NAA30: variants seen among roughly 807,000 people sequenced by gnomAD.
NAA30 encodes N-alpha-acetyltransferase 30.
NAA30 carries 5 observed loss-of-function variants against 31.4 expected under a neutral mutation model. The ratio of observed to expected loss-of-function variants is 0.16; its 90% confidence interval spans 0.08 to 0.33. The LOEUF is 0.33. Among genes scored for constraint, NAA30 ranks in the 10% least tolerant of loss-of-function variants. The pLI, the probability that NAA30 is intolerant of heterozygous loss-of-function variation, is 1.00. For missense variants in NAA30, 428 were observed against 490.8 expected (o/e 0.87, Z 1.21); for synonymous variants, 222 against 207.1 (o/e 1.07, Z -0.62).
rs758168690 is a variant in NAA30, at chr14:57,391,480, CAGG to C, written c.537_539del (p.Glu180del). 2.2e-5 allele frequency: 35 copies of C among 1,609,108 alleles called. No homozygotes were observed. The highest frequency in any genetic ancestry group is 1.7e-4 in the Middle Eastern group (1 of 6,006). On this transcript the variant is annotated inframe_deletion, in exon 2 of 5. Transcript: ENST00000556492. This position sits in a 1 kb window ranked among gnomAD's most constrained non-coding sequence, Gnocchi z 4.1. Reference sequence around the variant, plus strand: ...CAATGGACTGGCCGAGGGCACCGAGCAGGAGGAGGAGGAGGAAGACGAGCAGGT... The same window carrying C: ...CAATGGACTGGCCGAGGGCACCGAGCAGGAGGAGGAGGAAGACGAGCAGGT...
At position 57,409,056 on chromosome 14, in the gene NAA30, AT is replaced by A. The variant is rs562645999; in HGVS notation, c.952-319del. Among the ~76,000 whole-genome samples, 312 of 152,294 alleles carry A rather than the reference AT, an allele frequency of 2.0e-3. 1 individual carries two copies. The highest frequency in any genetic ancestry group is 7.0e-3 in the African/African-American group (289 of 41,582). On this transcript the variant is annotated intron_variant, in intron 4 of 4. Coordinates refer to ENST00000556492, the MANE Select transcript of NAA30 (RefSeq NM_001011713.3). Reference sequence around the variant, plus strand: ...ACCAGCACTTTTGATTGTTGATTTTATTTTCATCTGTAGTCATTTTACCTTT... The same window carrying A: ...ACCAGCACTTTTGATTGTTGATTTTATTTCATCTGTAGTCATTTTACCTTT...
In NAA30 at chr14:57,415,712, T is replaced by G. The variant is rs2139771008; in HGVS notation, c.*6196T>G. ...TGTAGGGGATTGATCATTGCGATGT[T>G]TAGGCCAGGATTTCTCATGATTGTA... On this transcript the variant is annotated 3_prime_UTR_variant, in exon 5 of 5. Transcript: ENST00000556492. 6.6e-6 allele frequency: 1 copy of G among 152,274 alleles called. No individual in the cohort carries two copies. The highest frequency in any genetic ancestry group is 2.1e-4 in the South Asian group (1 of 4,830). The allele number at this position is 152,274 out of a possible 1,614,324, so 9.4% of individuals were successfully genotyped here.
At chr14:57,395,115 ATGTAT>A (rs1417116793) in intron 2 of NAA30, among the ~76,000 whole-genome samples, 1 of 152,160 alleles carries the variant, frequency 6.6e-6, no homozygotes, top group Non-Finnish European at 1.5e-5. Flanking sequence ...TAAAAGATTG[ATGTAT>A]TGTGAGGGAA....
At chr14:57,405,649 C>G (rs1041960483) in intron 4 of NAA30, among the ~76,000 whole-genome samples, 1 of 152,090 alleles carries the variant, frequency 6.6e-6, no homozygotes. Flanking sequence ...TCTGGTCTCT[C>G]TCTTTGTCTA....
At chr14:57,397,754 G>C (rs1450831666) in intron 3 of NAA30, among the ~76,000 whole-genome samples, 1 of 152,160 alleles carries the variant, frequency 6.6e-6, no homozygotes, top group African/African-American at 2.4e-5. Flanking sequence ...GCGAAACCCT[G>C]TCTCTACTAA....
At chr14:57,395,012 A>G (rs746563944) in intron 2 of NAA30, among the ~76,000 whole-genome samples, 5 of 152,192 alleles carry the variant, frequency 3.3e-5, no homozygotes, top group African/African-American at 4.8e-5. Context: ...ATACGCACAT[A>G]TATTTGAAGT....
rs189049807 is a variant in NAA30 at position 57,415,366 on chromosome 14, C to T, written c.*5850C>T. On this transcript the variant is annotated 3_prime_UTR_variant, in exon 5 of 5. Transcript: ENST00000556492. ...AAGATTGTATGTCTCCTATGTTTTC[C>T]TTTCATGCCAAAGAAACTCACCCTT... 6 of 152,254 alleles carry T rather than the reference C, an allele frequency of 3.9e-5. No homozygotes were observed. The highest frequency in any genetic ancestry group is 3.3e-4 in the Admixed American group (5 of 15,288). 9.4% of individuals were successfully genotyped at this position (152,254 alleles called of 1,614,324 possible). A position where few individuals can be genotyped will look rare whatever the true frequency, so the allele number is the denominator to read the frequency against.
chr14:57,400,511 ATAAAC>A (rs779744577), intron 4 of NAA30, among the ~76,000 whole-genome samples: 1 of 152,248 alleles, frequency 6.6e-6, no homozygotes, highest in Non-Finnish European at 1.5e-5. Flanking sequence ...GGGAACAAGT[ATAAAC>A]TAGAGAAGTA....
At chr14:57,407,937 A>G (rs1179083411) in intron 4 of NAA30, among the ~76,000 whole-genome samples, 1 of 152,166 alleles carries the variant, frequency 6.6e-6, no homozygotes, top group Non-Finnish European at 1.5e-5. Flanking sequence ...TTGGATGCAT[A>G]TAGGTGGTTG....
intron 4 of NAA30, among the ~76,000 whole-genome samples, chr14:57,400,610 C>T (rs116329410): frequency 0.019 from 2,948 of 152,148 alleles, 80 homozygotes; most frequent in African/African-American, 0.059. Context: ...TAGCAATTGT[C>T]TTTATTATTA....
intron 2 of NAA30, among the ~76,000 whole-genome samples, chr14:57,392,123 C>A (rs2066431275): frequency 6.6e-6 from 1 of 152,204 alleles, no homozygotes; most frequent in Non-Finnish European, 1.5e-5. Context: ...CGATTACAAC[C>A]ATAATCAGGG....
At chr14:57,392,244 C>T (rs2066431997) in intron 2 of NAA30, among the ~76,000 whole-genome samples, 1 of 152,154 alleles carries the variant, frequency 6.6e-6, no homozygotes, top group African/African-American at 2.4e-5. Context: ...GGAGATGTTT[C>T]TCTTTACTTC....
At position 57,391,534 on chromosome 14, in the gene NAA30, G is replaced by A; in HGVS notation, c.577G>A (p.Ala193Thr). 6.2e-7 allele frequency: 1 copy of A among 1,613,818 alleles called. No homozygotes were observed. Among genetic ancestry groups the A allele is most frequent in the Non-Finnish European group, 8.5e-7 (1 of 1,180,016 alleles). Reference protein sequence around the residue: ...QVRLLSSSLTADCSLRSPSGR... With the variant: ...QVRLLSSSLTTDCSLRSPSGR... ...GCGGCTGCTGTCTTCGTCCCTGACC[G>A]CCGACTGCAGCTTAAGAAGCCCTTC... Residue 193 changes from alanine to threonine, a missense_variant, in exon 2 of 5, where the codon GCC becomes ACC. Coordinates refer to ENST00000556492, the MANE Select transcript of NAA30 (RefSeq NM_001011713.3). This position sits in a 1 kb window ranked among gnomAD's most constrained non-coding sequence, Gnocchi z 4.1.
At chr14:57,400,894 TTG>T (rs2066473196) in intron 4 of NAA30, among the ~76,000 whole-genome samples, 1 of 150,098 alleles carries the variant, frequency 6.7e-6, no homozygotes, top group Non-Finnish European at 1.5e-5. Flanking sequence ...GGGTTTTTTT[TTG>T]TTTTTTTTTT....
At position 57,390,628 on chromosome 14, in the gene NAA30, C is replaced by T. The variant is rs552068154; in HGVS notation, c.-79C>T. 213 of 342,464 alleles carry T rather than the reference C, an allele frequency of 6.2e-4. No individual in the cohort carries two copies. The highest frequency in any genetic ancestry group is 4.2e-3 in the African/African-American group (199 of 46,998). The allele number at this position is 342,464 out of a possible 1,614,324, so 21.2% of individuals were successfully genotyped here. ...GTGAGAACCTTGGCGGCTGTGGAGG[C>T]TGCCGCGGCTGCGAAGGAGGCGGCG... On this transcript the variant is annotated 5_prime_UTR_variant, in exon 1 of 5. Coordinates refer to ENST00000556492, the MANE Select transcript of NAA30 (RefSeq NM_001011713.3).
At position 57,413,682 on chromosome 14, in the gene NAA30, C is replaced by G. The variant is rs951154363; in HGVS notation, c.*4166C>G. ...AATTTCTTGTATTCTTAGTATGAGA[C>G]AGGGTTTCACCATGTTGGCCAGGCT... On this transcript the variant is annotated 3_prime_UTR_variant, in exon 5 of 5. Transcript: ENST00000556492. 6.6e-5 allele frequency: 10 copies of G among 151,982 alleles called. No homozygotes were observed. Among genetic ancestry groups the G allele is most frequent in the African/African-American group, 2.4e-4 (10 of 41,320 alleles). 9.4% of individuals were successfully genotyped at this position (151,982 alleles called of 1,614,324 possible). A position where few individuals can be genotyped will look rare whatever the true frequency, so the allele number is the denominator to read the frequency against.
chr14:57,403,994 T>A (rs189555775), intron 4 of NAA30, among the ~76,000 whole-genome samples: 1 of 152,144 alleles, frequency 6.6e-6, no homozygotes, highest in East Asian at 1.9e-4. Context: ...CAAGGTTGTT[T>A]TTGTTTTGTT....
intron 4 of NAA30, among the ~76,000 whole-genome samples, chr14:57,407,268 G>T (rs1473501547): frequency 6.6e-6 from 1 of 152,058 alleles, no homozygotes; most frequent in Non-Finnish European, 1.5e-5. Flanking sequence ...TGTATTTTAG[G>T]TTTTCTTAGG....
chr14:57,400,442 G>A (rs1310143158), intron 4 of NAA30, among the ~76,000 whole-genome samples: 5 of 152,174 alleles, frequency 3.3e-5, no homozygotes, highest in African/African-American at 4.8e-5. Context: ...TATAGTAGGT[G>A]CATGATAAAT....
Sources: gnomAD v4.1 joint callset for allele counts (sites outside exome capture counted in the v4.1 genomes callset) on GRCh38, gnomAD v4.1.1 for gene constraint, Gnocchi (gnomAD v3.1) non-coding constraint, MANE v1.5 for transcripts, NCBI Gene and HGNC (gene_info 2026-07-23, HGNC 2026-07-21) for gene names.